KIF14: variants seen among roughly 807,000 people sequenced by gnomAD.
KIF14 encodes the protein kinesin family member 14.
Under a neutral mutation model 176.2 loss-of-function variants are expected in KIF14, and 98 were observed. That is an observed-to-expected ratio of 0.56 (90% CI 0.47 to 0.66). KIF14 has a LOEUF of 0.66. Among genes scored for constraint, KIF14 ranks in the 30% least tolerant of loss-of-function variants. KIF14 has a pLI of 0.00. For missense variants in KIF14, 1,751 were observed against 1,920.4 expected, an observed-to-expected ratio of 0.91 and a Z score of 1.65; for synonymous variants, 566 against 632.2, an observed-to-expected ratio of 0.90 and a Z score of 1.57.
At chr1:200,617,041 C>A (rs1017741437) in intron 2 of KIF14, among the ~76,000 whole-genome samples, 1 of 152,114 alleles carries the variant, frequency 6.6e-6, no homozygotes, top group African/African-American at 2.4e-5. Flanking sequence ...GATGTCAGCT[C>A]AATGCAGCCT....
rs148158086 is a variant in KIF14, at chr1:200,614,459, T to C, written c.1368-54A>G. The C allele has an allele frequency of 5.3e-4, 603 of 1,147,316 alleles. 1 individual carries two copies. In the African/African-American group the frequency reaches 7.5e-3, roughly 14 times the overall value. The allele number at this position is 1,147,316 out of a possible 1,614,324, so 71.1% of individuals were successfully genotyped here. On this transcript the variant is annotated intron_variant, in intron 3 of 29. Transcript: ENST00000367350. ...AATAAAACTAATTCTTTCTTTAAAA[T>C]TCTTTTTGGGGAAATAGGCTGGGAA...
intron 8 of KIF14, among the ~76,000 whole-genome samples, 194 bp downstream of exon 8, chr1:200,605,089 T>C (rs1433435611): frequency 1.3e-5 from 2 of 152,166 alleles, no homozygotes; most frequent in African/African-American, 4.8e-5. Flanking sequence ...TACCTTTTGA[T>C]TTAAAGAAGA....
At chr1:200,563,586 T>C (rs892085250) in intron 25 of KIF14, among the ~76,000 whole-genome samples, 1 of 152,064 alleles carries the variant, frequency 6.6e-6, no homozygotes, top group Non-Finnish European at 1.5e-5. Flanking sequence ...TGGATATTTG[T>C]TATTATTCAC....
intron 23 of KIF14, among the ~76,000 whole-genome samples, chr1:200,567,323 C>A (rs1378550531): frequency 6.6e-6 from 1 of 151,696 alleles, no homozygotes; most frequent in African/African-American, 2.4e-5. Context: ...AGGTGGATCA[C>A]GAGGTCAGGA....
chr1:200,573,427 C>CTTTTTTTTTTT lies in KIF14; in HGVS notation c.3566+2153_3566+2163dup, dbSNP rs869174532. Among the ~76,000 whole-genome samples, 284 of 77,720 alleles carry CTTTTTTTTTTT rather than the reference C, an allele frequency of 3.7e-3. 26 individuals are homozygous for CTTTTTTTTTTT. Among genetic ancestry groups the CTTTTTTTTTTT allele is most frequent in the Non-Finnish European group, 4.7e-3 (198 of 42,454 alleles). The allele number at this position is 77,720 out of a possible 152,430, so 51.0% of individuals were successfully genotyped here. ...TTCCCTACACTCAAGGAGCTCATTT[C>CTTTTTTTTTTT]TTTTTTTTTTTTTTTTTTTTTTTTG... On this transcript the variant is annotated intron_variant, in intron 22 of 29. Transcript: ENST00000367350.
In KIF14 at chr1:200,602,820, C is replaced by T. The variant is rs117181212; in HGVS notation, c.1979+406G>A. ...TGTGTAGTAAGCAAACAAAATTATTCAACTTCTCTTTATACAACTAGCAAT... is the reference window on the plus strand; with the variant it reads ...TGTGTAGTAAGCAAACAAAATTATTTAACTTCTCTTTATACAACTAGCAAT... On this transcript the variant is annotated intron_variant, in intron 10 of 29. Transcript: ENST00000367350. Among the ~76,000 whole-genome samples the T allele has an allele frequency of 1.8e-4, 27 of 152,280 alleles. No individual in the cohort carries two copies. The East Asian group carries it at 5.0e-3, about 28-fold the overall frequency.
chr1:200,551,706 A>G lies in KIF14; in HGVS notation c.*1682T>C, dbSNP rs1656542664. On this transcript the variant is annotated 3_prime_UTR_variant, in exon 30 of 30. Coordinates refer to ENST00000367350, the MANE Select transcript of KIF14 (RefSeq NM_014875.3). ...TGAGTTTACAAAGCACAAACTGAAGATTAAATACTGAATATTAAGATGAAA... is the reference window on the plus strand; with the variant it reads ...TGAGTTTACAAAGCACAAACTGAAGGTTAAATACTGAATATTAAGATGAAA... The G allele has an allele frequency of 6.6e-6, 1 of 152,234 alleles. No homozygotes were observed. Among genetic ancestry groups the G allele is most frequent in the South Asian group, 2.1e-4 (1 of 4,838 alleles). 9.4% of individuals were successfully genotyped at this position (152,234 alleles called of 1,614,324 possible).
chr1:200,603,828 A>T lies in KIF14; in HGVS notation c.1863+11T>A. 1 of 1,509,168 alleles carries T rather than the reference A, an allele frequency of 6.6e-7. No individual in the cohort carries two copies. Among genetic ancestry groups the T allele is most frequent in the Non-Finnish European group, 9.2e-7 (1 of 1,085,470 alleles). 93.5% of individuals were successfully genotyped at this position (1,509,168 alleles called of 1,614,324 possible). On this transcript the variant is annotated intron_variant, in intron 9 of 29. Coordinates refer to ENST00000367350, the MANE Select transcript of KIF14 (RefSeq NM_014875.3). ...AAATTTCATCAAAAGGAGAAAAAGC[A>T]TTCCATTTACCTTTAGTCGATCTCC... is the stretch of plus-strand genomic sequence containing the variant.
intron 21 of KIF14, among the ~76,000 whole-genome samples, chr1:200,577,947 C>T (rs146168064): frequency 1.7e-4 from 26 of 150,854 alleles, no homozygotes; most frequent in African/African-American, 5.8e-4. Context: ...TCTTTTCCTA[C>T]ACTTTGTTGT....
intron 21 of KIF14, among the ~76,000 whole-genome samples, chr1:200,576,200 C>T (rs1157719034): frequency 1.3e-5 from 2 of 151,692 alleles, no homozygotes; most frequent in African/African-American, 4.8e-5. Context: ...GAGGTAAGGC[C>T]GGGCGCGGTG....
intron 17 of KIF14, among the ~76,000 whole-genome samples, chr1:200,589,599 C>T (rs1169709048): frequency 6.6e-6 from 1 of 150,918 alleles, no homozygotes; most frequent in African/African-American, 2.4e-5. Flanking sequence ...ATGACTCAAG[C>T]GGCTAGAGGA....
Position 200,575,579 on chromosome 1 carries a change from A to G in KIF14, c.3566+12T>C. 6.5e-7 allele frequency: 1 copy of G among 1,536,836 alleles called. No homozygotes were observed. On this transcript the variant is annotated intron_variant, in intron 22 of 29. Coordinates refer to ENST00000367350, the MANE Select transcript of KIF14 (RefSeq NM_014875.3). ...CAAAGTGCAAGAAAACTAGTAACAA[A>G]ATTGTCTTTACCTCCTTCTAGAAAG...
chr1:200,571,689 G>T (rs182800739), intron 22 of KIF14, among the ~76,000 whole-genome samples: 1 of 152,192 alleles, frequency 6.6e-6, no homozygotes, highest in East Asian at 1.9e-4. Context: ...TTTCCCCCAT[G>T]AACTCCTACA....
At chr1:200,607,311 G>A (rs1471202230) in intron 5 of KIF14, among the ~76,000 whole-genome samples, 1 of 151,904 alleles carries the variant, frequency 6.6e-6, no homozygotes, top group Non-Finnish European at 1.5e-5. Flanking sequence ...GCTAACTTTT[G>A]TATTTTCAGT....
At position 200,608,865 on chromosome 1, in the gene KIF14, C is replaced by T; in HGVS notation, c.1519G>A (p.Val507Ile). The change falls in exon 5 of 30, where the codon GTT (valine) becomes ATT (isoleucine). Residue 507 changes from valine (V) to isoleucine (I), a missense_variant. Transcript: ENST00000367350. ...CTCTGCCCATTTTCATCTTTACAAACCAGAAGGTCGTGAATTTTTTCATTA... is the reference window on the plus strand; with the variant it reads ...CTCTGCCCATTTTCATCTTTACAAATCAGAAGGTCGTGAATTTTTTCATTA... ...VYNEKIHDLL[V>I]CKDENGQRKQ... 6.2e-7 allele frequency: 1 copy of T among 1,609,986 alleles called. No homozygotes were observed. Among genetic ancestry groups the T allele is most frequent in the Non-Finnish European group, 8.5e-7 (1 of 1,176,714 alleles).
chr1:200,605,503 A>C (rs1017869276), intron 7 of KIF14, 113 bp from the exon 8 acceptor site: 2 of 615,690 alleles, frequency 3.2e-6, no homozygotes, highest in East Asian at 5.9e-5. Context: ...ACTGTAACTC[A>C]ATGATATAAA....
Position 200,586,088 on chromosome 1 carries a change from A to G in KIF14, c.3241+13T>C. 4 of 1,488,780 alleles carry G rather than the reference A, an allele frequency of 2.7e-6. No individual in the cohort carries two copies. Among genetic ancestry groups the G allele is most frequent in the South Asian group, 1.4e-5 (1 of 72,076 alleles). 92.2% of individuals were successfully genotyped at this position (1,488,780 alleles called of 1,614,324 possible). Reference sequence around the variant, plus strand: ...ATTTTAGAAAATGTTTGCTAAAATCAGCACACACTTACCTGTAAAAGTTTT... The same window carrying G: ...ATTTTAGAAAATGTTTGCTAAAATCGGCACACACTTACCTGTAAAAGTTTT... On this transcript the variant is annotated intron_variant, in intron 19 of 29. Transcript: ENST00000367350.
At chr1:200,572,968 G>A (rs962861178) in intron 22 of KIF14, among the ~76,000 whole-genome samples, 2 of 152,120 alleles carry the variant, frequency 1.3e-5, no homozygotes, top group Non-Finnish European at 2.9e-5. Flanking sequence ...ACTGGTACTG[G>A]ACAGAAATCA....
intron 14 of KIF14, 105 bp from the exon 15 acceptor site, chr1:200,593,874 A>G (rs940233628): frequency 6.5e-6 from 4 of 615,428 alleles, no homozygotes; most frequent in Non-Finnish European, 1.2e-5. Flanking sequence ...TGGTGTTAAG[A>G]TTCATACCAA....
Sources: gnomAD v4.1 joint callset for allele counts (sites outside exome capture counted in the v4.1 genomes callset) on GRCh38, gnomAD v4.1.1 for gene constraint, MANE v1.5 for transcripts, NCBI Gene and HGNC (gene_info 2026-07-23, HGNC 2026-07-21) for gene names.